IQCH: variants seen among roughly 807,000 people sequenced by gnomAD.
IQCH encodes the protein IQ motif containing H, also known as IQ domain-containing protein H.
A neutral mutation model predicts 117.0 loss-of-function variants in IQCH; 98 were observed. That is an observed-to-expected ratio of 0.84 (90% CI 0.71 to 0.99). The LOEUF (loss-of-function observed/expected upper bound fraction) is 0.99. Ranked by LOEUF, IQCH falls within the 50% of genes least tolerant of loss-of-function variation. The probability of loss-of-function intolerance (pLI) is 0.00; values close to 1 mark genes in which losing one functional copy is unlikely to be tolerated. For synonymous variants in IQCH, 412 were observed against 448.2 expected, an observed-to-expected ratio of 0.92 and a Z score of 1.02; for missense variants, 1,102 against 1,243.8, an observed-to-expected ratio of 0.89 and a Z score of 1.72.
chr15:67,372,050 A>C, intron 8 of IQCH, 61 bp from the exon 9 acceptor site: 1 of 1,372,376 alleles, frequency 7.3e-7, no homozygotes, highest in African/African-American at 1.5e-5. Flanking sequence ...TGTCTTGACC[A>C]CTCATTTAAA....
At position 67,473,657 on chromosome 15, in the gene IQCH, G is replaced by A. The variant is rs989310869; in HGVS notation, c.2677-2039G>A. 1.3e-5 allele frequency among the ~76,000 whole-genome samples: 2 copies of A among 152,164 alleles called. No homozygotes were observed. Among genetic ancestry groups the A allele is most frequent in the Admixed American group, 6.5e-5 (1 of 15,272 alleles). ...TTAATAAACACCAAGTGCCTGTTCT[G>A]TGCTGGTATCATGCCCAAACTGGAG... On this transcript the variant is annotated intron_variant, in intron 17 of 20. Coordinates refer to ENST00000335894, the MANE Select transcript of IQCH (RefSeq NM_001031715.3). This position sits in a 1 kb window ranked among gnomAD's most constrained non-coding sequence, Gnocchi z 4.9.
intron 6 of IQCH, among the ~76,000 whole-genome samples, chr15:67,348,121 G>A (rs1316066863): frequency 1.3e-5 from 2 of 151,720 alleles, no homozygotes; most frequent in African/African-American, 2.4e-5. Context: ...TTCCTCAAAC[G>A]GATAAAAGAT....
intron 20 of IQCH, among the ~76,000 whole-genome samples, chr15:67,499,297 CAAAAAAAAAAAAAA>C (rs59618730): frequency 4.1e-5 from 2 of 49,160 alleles, no homozygotes; most frequent in East Asian, 6.1e-4. Flanking sequence ...AGACCTGTCC[CAAAAAAAAAAAAAA>C]AAAAAAAAAA....
At chr15:67,423,027 T>C (rs2081789306) in intron 16 of IQCH, among the ~76,000 whole-genome samples, 1 of 152,240 alleles carries the variant, frequency 6.6e-6, no homozygotes, top group Admixed American at 6.5e-5. Context: ...AGTGAGAGTT[T>C]ATGTTTTTTG....
chr15:67,347,134 A>G (rs1184544203), intron 6 of IQCH, among the ~76,000 whole-genome samples: 2 of 151,846 alleles, frequency 1.3e-5, no homozygotes, highest in Non-Finnish European at 2.9e-5. Context: ...AAGAAAAGCA[A>G]ATTATACCCA....
At chr15:67,489,687 C>A (rs534127105) in intron 18 of IQCH, among the ~76,000 whole-genome samples, 1 of 151,780 alleles carries the variant, frequency 6.6e-6, no homozygotes, top group East Asian at 1.9e-4. Context: ...AAGAATCATC[C>A]AAGAAGTAAG....
intron 8 of IQCH, chr15:67,371,542 A>T: frequency 2.7e-6 from 4 of 1,473,868 alleles, no homozygotes; most frequent in Non-Finnish European, 3.8e-6. Context: ...AGGTGATAAC[A>T]TATAACATAA....
Position 67,291,644 on chromosome 15 carries a change from T to C in IQCH, c.387+12132T>C, listed in dbSNP as rs182257232. The stretch of plus-strand genomic sequence containing the variant: ...TTTGACATTATGTGGCATAATATGG[T>C]AAAAGATCAAAAATGGAAAATATCA... On this transcript the variant is annotated intron_variant, in intron 4 of 20. Coordinates refer to ENST00000335894, the MANE Select transcript of IQCH (RefSeq NM_001031715.3). Among the ~76,000 whole-genome samples the C allele has an allele frequency of 6.8e-4, 103 of 152,256 alleles. 4 individuals carry two copies. The East Asian group carries it at 0.012, about 18-fold the overall frequency.
intron 4 of IQCH, among the ~76,000 whole-genome samples, chr15:67,300,104 C>G (rs550217250): frequency 1.1e-4 from 17 of 152,176 alleles, no homozygotes; most frequent in Admixed American, 2.0e-4. Flanking sequence ...TTTGGTGACT[C>G]TGAAAACCAG....
At chr15:67,429,426 G>A (rs1330684902) in intron 16 of IQCH, among the ~76,000 whole-genome samples, 1 of 152,140 alleles carries the variant, frequency 6.6e-6, no homozygotes, top group Non-Finnish European at 1.5e-5. Context: ...ACTGAGGTAG[G>A]AGGATAATTT....
At chr15:67,482,509 T>C (rs1218561430) in intron 18 of IQCH, among the ~76,000 whole-genome samples, 1 of 152,236 alleles carries the variant, frequency 6.6e-6, no homozygotes, top group Non-Finnish European at 1.5e-5. Flanking sequence ...TTATACCTTG[T>C]TAAATATTTT....
At chr15:67,495,841 A>C (rs2083790298) in intron 20 of IQCH, among the ~76,000 whole-genome samples, 1 of 152,196 alleles carries the variant, frequency 6.6e-6, no homozygotes, top group African/African-American at 2.4e-5. Flanking sequence ...ATTTTTACTC[A>C]TGTTAGGTCT....
At chr15:67,255,069 C>CG in intron 1 of IQCH, 122 bp downstream of exon 1, 1 of 965,478 alleles carries the variant, frequency 1.0e-6, no homozygotes, top group Non-Finnish European at 1.6e-6. Flanking sequence ...CCCTCCAACT[C>CG]GCGAGAGGCT....
chr15:67,389,416 T>TC (rs1971210483), intron 12 of IQCH, among the ~76,000 whole-genome samples: 1 of 152,056 alleles, frequency 6.6e-6, no homozygotes, highest in Non-Finnish European at 1.5e-5. Flanking sequence ...CCGTGTTTTT[T>TC]CCCCTGAGGG....
rs2082413438 is a variant in IQCH at position 67,447,393 on chromosome 15, C to T, written c.2506-17734C>T. Reference sequence around the variant, plus strand: ...CAGGGTGCTGAATCTTTCCTACAAACACGAGTCTGTAGGAAACAGTGGCAA... The same window carrying T: ...CAGGGTGCTGAATCTTTCCTACAAATACGAGTCTGTAGGAAACAGTGGCAA... On this transcript the variant is annotated intron_variant, in intron 16 of 20. Coordinates refer to ENST00000335894, the MANE Select transcript of IQCH (RefSeq NM_001031715.3). This position sits in a 1 kb window ranked among gnomAD's most constrained non-coding sequence, Gnocchi z 5.3. Among the ~76,000 whole-genome samples the T allele has an allele frequency of 1.3e-5, 2 of 152,284 alleles. No individual in the cohort carries two copies. Among genetic ancestry groups the T allele is most frequent in the South Asian group, 4.1e-4 (2 of 4,820 alleles).
intron 4 of IQCH, among the ~76,000 whole-genome samples, chr15:67,287,393 G>A (rs1458019349): frequency 1.3e-5 from 2 of 152,032 alleles, no homozygotes; most frequent in African/African-American, 4.8e-5. Context: ...TGAGGTCATC[G>A]GGTACTGGGC....
chr15:67,394,672 T>C (rs952440449), intron 12 of IQCH, among the ~76,000 whole-genome samples: 1 of 152,226 alleles, frequency 6.6e-6, no homozygotes, highest in Non-Finnish European at 1.5e-5. Context: ...AAAAGAGTTT[T>C]TCACTGAAAA....
intron 5 of IQCH, 37 bp from the exon 6 acceptor site, chr15:67,344,026 G>C (rs1311180380): frequency 6.3e-7 from 1 of 1,586,446 alleles, no homozygotes; most frequent in Non-Finnish European, 8.6e-7. Flanking sequence ...GGAATTGCTT[G>C]GAATTAAACT....
intron 6 of IQCH, among the ~76,000 whole-genome samples, chr15:67,350,097 C>T (rs1453436594): frequency 6.6e-6 from 1 of 152,138 alleles, no homozygotes; most frequent in Non-Finnish European, 1.5e-5. Flanking sequence ...ATGAATGTTG[C>T]TTTATTCATA....
Sources: gnomAD v4.1 joint callset for allele counts (sites outside exome capture counted in the v4.1 genomes callset) on GRCh38, gnomAD v4.1.1 for gene constraint, Gnocchi (gnomAD v3.1) non-coding constraint, MANE v1.5 for transcripts, NCBI Gene and HGNC (gene_info 2026-07-23, HGNC 2026-07-21) for gene names.